Variants in ADGRG7 observed in about 807,000 individuals in gnomAD.
ADGRG7 encodes adhesion G protein-coupled receptor G7.
Under a neutral mutation model 88.6 loss-of-function variants are expected in ADGRG7, and 82 were observed. The ratio of observed to expected loss-of-function variants is 0.93; its 90% CI spans 0.77 to 1.11. ADGRG7 has a LOEUF of 1.11. Ranked by LOEUF, ADGRG7 falls within the 50% of genes most tolerant of loss-of-function variation. The pLI, the probability that ADGRG7 is intolerant of heterozygous loss-of-function variation, is 0.00. For missense variants in ADGRG7, 945 were observed against 953.4 expected, an observed-to-expected ratio of 0.99 and a Z score of 0.12; for synonymous variants, 381 against 345.2, an observed-to-expected ratio of 1.10 and a Z score of -1.15.
chr3:100,635,633 A>G (rs751069072), intron 4 of ADGRG7, 44 bp from the exon 5 acceptor site: 5 of 1,601,040 alleles, frequency 3.1e-6, no homozygotes, highest in East Asian at 2.2e-5. Context: ...GTGTTTGGAC[A>G]TAATTGTGTA....
chr3:100,689,678 T>A (rs1040756252), intron 15 of ADGRG7, among the ~76,000 whole-genome samples: 1 of 152,238 alleles, frequency 6.6e-6, no homozygotes, highest in African/African-American at 2.4e-5. Flanking sequence ...AAAATTCTTT[T>A]CTTTAAGAAT....
At chr3:100,622,248 G>GTC in intron 1 of ADGRG7, among the ~76,000 whole-genome samples, 1 of 136,962 alleles carries the variant, frequency 7.3e-6, no homozygotes, top group South Asian at 2.5e-4. Flanking sequence ...AAAGATGTAA[G>GTC]TCTCTCTCTA....
chr3:100,683,676 G>A (rs7613632), intron 15 of ADGRG7, among the ~76,000 whole-genome samples: 4,022 of 152,346 alleles, frequency 0.026, 86 homozygotes, highest in South Asian at 0.087. Context: ...CTGCCAGACC[G>A]AGTAGGAGGA....
At chr3:100,652,419 G>A (rs1467749564) in intron 11 of ADGRG7, among the ~76,000 whole-genome samples, 1 of 152,132 alleles carries the variant, frequency 6.6e-6, no homozygotes, top group Admixed American at 6.5e-5. Flanking sequence ...TTTAGGCATA[G>A]TAATAAACCT....
rs1016455930 is a variant in ADGRG7, at chr3:100,609,989, T to C, written c.115+18T>C. 1 of 1,589,830 alleles carries C rather than the reference T, an allele frequency of 6.3e-7. No individual in the cohort carries two copies. Among genetic ancestry groups the C allele is most frequent in the Non-Finnish European group, 8.6e-7 (1 of 1,158,612 alleles). On this transcript the variant is annotated intron_variant, in intron 1 of 15. Coordinates refer to ENST00000273352, the MANE Select transcript of ADGRG7 (RefSeq NM_032787.3). ...CCAAAGAGGTAATGTTGTCCTGCTATGTTTAACTCAGAGTAAGAGAAGGTA... is the reference window on the plus strand; with the variant it reads ...CCAAAGAGGTAATGTTGTCCTGCTACGTTTAACTCAGAGTAAGAGAAGGTA...
At chr3:100,643,441 G>A (rs1238231238) in intron 7 of ADGRG7, 36 bp downstream of exon 7, 1 of 1,612,418 alleles carries the variant, frequency 6.2e-7, no homozygotes, top group African/African-American at 1.3e-5. Flanking sequence ...TAACAGCAAA[G>A]AGCATTCTGC....
At position 100,618,697 on chromosome 3, in the gene ADGRG7, C is replaced by T. The variant is rs887568637; in HGVS notation, c.115+8726C>T. The stretch of plus-strand genomic sequence containing the variant: ...TTGGCTTAGGATTGACTTGGCGATG[C>T]GGGCTCTTTTTTTGGTTCCGTATGA... On this transcript the variant is annotated intron_variant, in intron 1 of 15. Transcript: ENST00000273352. 5.7e-4 allele frequency among the ~76,000 whole-genome samples: 86 copies of T among 152,176 alleles called. 1 individual carries two copies. Among genetic ancestry groups the T allele is most frequent in the Admixed American group, 2.0e-3 (31 of 15,276 alleles).
At chr3:100,678,863 G>A (rs1166927696) in intron 15 of ADGRG7, among the ~76,000 whole-genome samples, 1 of 152,164 alleles carries the variant, frequency 6.6e-6, no homozygotes, top group Non-Finnish European at 1.5e-5. Flanking sequence ...GGTGACACAA[G>A]TACCCTTGTG....
At chr3:100,612,681 A>T (rs1576309215) in intron 1 of ADGRG7, among the ~76,000 whole-genome samples, 1 of 152,136 alleles carries the variant, frequency 6.6e-6, no homozygotes, top group East Asian at 1.9e-4. Flanking sequence ...TTACTTGACC[A>T]TATTCTACAC....
At position 100,666,489 on chromosome 3, in the gene ADGRG7, G is replaced by A. The variant is rs988175482; in HGVS notation, c.1980-2460G>A. Among the ~76,000 whole-genome samples, 9 of 152,196 alleles carry A rather than the reference G, an allele frequency of 5.9e-5. No homozygotes were observed. In the South Asian group the frequency reaches 8.3e-4, roughly 14 times the overall value. ...ACACATAAACATCTCAATGCTTTAC[G>A]AAGCAGTATTGCTGCTCGCATGTCC... On this transcript the variant is annotated intron_variant, in intron 14 of 15. Coordinates refer to ENST00000273352, the MANE Select transcript of ADGRG7 (RefSeq NM_032787.3).
intron 15 of ADGRG7, among the ~76,000 whole-genome samples, chr3:100,674,161 A>T (rs2094962029): frequency 6.6e-6 from 1 of 152,144 alleles, no homozygotes; most frequent in East Asian, 1.9e-4. Flanking sequence ...TTCTGTTTTT[A>T]TGCCAGTACT....
At chr3:100,622,928 G>GT (rs76254299) in intron 1 of ADGRG7, among the ~76,000 whole-genome samples, 25,567 of 139,938 alleles carry the variant, frequency 0.18, 2,505 homozygotes, top group South Asian at 0.3. Flanking sequence ...TTTTGTTTTT[G>GT]TTTTTTTTTT....
intron 15 of ADGRG7, among the ~76,000 whole-genome samples, chr3:100,686,309 C>T (rs987886631): frequency 3.3e-5 from 5 of 152,004 alleles, no homozygotes; most frequent in Admixed American, 2.0e-4. Context: ...CAAAAATTTT[C>T]TCCCATTCTG....
chr3:100,685,888 C>T (rs1441878804), intron 15 of ADGRG7, among the ~76,000 whole-genome samples: 1 of 152,062 alleles, frequency 6.6e-6, no homozygotes, highest in African/African-American at 2.4e-5. Context: ...GGGTATACAC[C>T]CAGTAATGGG....
chr3:100,621,102 T>C (rs1178376578), intron 1 of ADGRG7, among the ~76,000 whole-genome samples: 2 of 152,174 alleles, frequency 1.3e-5, no homozygotes, highest in Non-Finnish European at 2.9e-5. Flanking sequence ...ATGTTGTATG[T>C]GTTCTGACTG....
At chr3:100,611,934 G>T (rs1182487003) in intron 1 of ADGRG7, among the ~76,000 whole-genome samples, 2 of 151,900 alleles carry the variant, frequency 1.3e-5, no homozygotes, top group Non-Finnish European at 1.5e-5. Flanking sequence ...TTCTTGCTTG[G>T]GTTCCTTTAT....
Position 100,646,633 on chromosome 3 carries a change from A to C in ADGRG7, c.1175A>C (p.Asp392Ala), listed in dbSNP as rs766929027. The change falls in exon 10 of 16, where the codon GAC becomes GCC. Residue 392 changes from aspartate (D) to alanine (A), a missense_variant. Coordinates refer to ENST00000273352, the MANE Select transcript of ADGRG7 (RefSeq NM_032787.3). ...ACVYWNLSAK[D>A]WDTYGCQKDK... Reference sequence around the variant, plus strand: ...GTCTATTGGAATTTGTCAGCGAAGGACTGGGACACATATGGCTGTCAAAAA... The same window carrying C: ...GTCTATTGGAATTTGTCAGCGAAGGCCTGGGACACATATGGCTGTCAAAAA... 4.3e-6 allele frequency: 7 copies of C among 1,614,078 alleles called. No homozygotes were observed. In the South Asian group the frequency reaches 7.7e-5, roughly 18 times the overall value.
chr3:100,637,715 A>G (rs1393302592), intron 6 of ADGRG7: 1 of 288,184 alleles, frequency 3.5e-6, no homozygotes, highest in African/African-American at 2.2e-5. Context: ...GCACAGCAAG[A>G]CCTCTTCCAA....
At chr3:100,680,574 G>C (rs1250662112) in intron 15 of ADGRG7, among the ~76,000 whole-genome samples, 2 of 151,660 alleles carry the variant, frequency 1.3e-5, no homozygotes, top group Non-Finnish European at 2.9e-5. Flanking sequence ...ATGTTATTAG[G>C]GTTCTAATTT....
Sources: allele counts gnomAD v4.1 joint callset (sites outside exome capture counted in the v4.1 genomes callset), GRCh38; gene constraint gnomAD v4.1.1; transcripts MANE v1.5; gene names NCBI Gene and HGNC (gene_info 2026-07-23, HGNC 2026-07-21).